Variants in TOP1 observed in about 807,000 individuals in gnomAD.
TOP1 encodes DNA topoisomerase I.
In TOP1, 10 loss-of-function variants were observed where a neutral mutation model predicts 111.1. The ratio of observed to expected loss-of-function variants is 0.09; its 90% CI spans 0.06 to 0.15. TOP1 has a LOEUF of 0.15. TOP1 is among the 10% of genes least tolerant of loss of function. The pLI is 1.00. For missense variants in TOP1, 474 were observed against 926.7 expected, an observed-to-expected ratio of 0.51 and a Z score of 6.34; for synonymous variants, 271 against 302.9, an observed-to-expected ratio of 0.89 and a Z score of 1.10.
chr20:41,031,396 CCTTT>C (rs2033118000), intron 2 of TOP1, among the ~76,000 whole-genome samples: 1 of 152,104 alleles, frequency 6.6e-6, no homozygotes, highest in African/African-American at 2.4e-5. Flanking sequence ...AAAGTTTAGC[CCTTT>C]CTTGTGAGAA....
At position 41,069,232 on chromosome 20, in the gene TOP1, AT is replaced by A. The variant is rs2033643146; in HGVS notation, c.156-6937del. Among the ~76,000 whole-genome samples, 1 of 152,194 alleles carries A rather than the reference AT, an allele frequency of 6.6e-6. No homozygotes were observed. Among genetic ancestry groups the A allele is most frequent in the Non-Finnish European group, 1.5e-5 (1 of 68,036 alleles). The stretch of plus-strand genomic sequence containing the variant: ...TCAGATTAGGGGAGATTTTTCTGAA[AT>A]TAATAAAATTTAAAAGATATGTTTG... On this transcript the variant is annotated intron_variant, in intron 3 of 20. Coordinates refer to ENST00000361337, the MANE Select transcript of TOP1 (RefSeq NM_003286.4). The surrounding 1 kb of genome is among the most constrained non-coding windows in gnomAD (Gnocchi z 4.1).
At position 41,077,578 on chromosome 20, in the gene TOP1, T is replaced by G; in HGVS notation, c.280-4T>G. 6.2e-7 allele frequency: 1 copy of G among 1,613,992 alleles called. No homozygotes were observed. The highest frequency in any genetic ancestry group is 8.5e-7 in the Non-Finnish European group (1 of 1,179,810). On this transcript the variant is annotated splice_region_variant and splice_polypyrimidine_tract_variant and intron_variant, in intron 4 of 20. Coordinates refer to ENST00000361337, the MANE Select transcript of TOP1 (RefSeq NM_003286.4). ...GTACTAGTTACTGTTGTTTTACTTTTCAGGTTCGAGCCTCTGGGGATGCAA... is the reference window on the plus strand; with the variant it reads ...GTACTAGTTACTGTTGTTTTACTTTGCAGGTTCGAGCCTCTGGGGATGCAA...
rs769402606 is a variant in TOP1 at position 41,122,168 on chromosome 20, CCCT to C, written c.2195+17_2195+19del. The stretch of plus-strand genomic sequence containing the variant: ...TCACAGTGGCTTGGTAAGTGTTGAG[CCCT>C]CCTTGAGCTCCTGCTGCTAGCTTAA... On this transcript the variant is annotated intron_variant, in intron 20 of 20. Transcript: ENST00000361337. This position sits in a 1 kb window ranked among gnomAD's most constrained non-coding sequence, Gnocchi z 5.4. 5.6e-6 allele frequency: 9 copies of C among 1,613,456 alleles called. No homozygotes were observed. In the East Asian group the frequency reaches 1.8e-4, roughly 32 times the overall value.
chr20:41,089,303 G>T (rs985080477), intron 8 of TOP1, among the ~76,000 whole-genome samples: 1 of 152,134 alleles, frequency 6.6e-6, no homozygotes, highest in Admixed American at 6.5e-5. Flanking sequence ...TGGGATTACA[G>T]GCGTGAGCCA....
At position 41,100,314 on chromosome 20, in the gene TOP1, T is replaced by C; in HGVS notation, c.1163+71T>C. 5 of 1,342,194 alleles carry C rather than the reference T, an allele frequency of 3.7e-6. No individual in the cohort carries two copies. The highest frequency in any genetic ancestry group is 5.2e-6 in the Non-Finnish European group (5 of 964,534). 83.1% of individuals were successfully genotyped at this position (1,342,194 alleles called of 1,614,324 possible). On this transcript the variant is annotated intron_variant, in intron 12 of 20. Coordinates refer to ENST00000361337, the MANE Select transcript of TOP1 (RefSeq NM_003286.4). The surrounding 1 kb of genome is among the most constrained non-coding windows in gnomAD (Gnocchi z 4.4). ...GTCCTTTATTGTACTTGGGAATATT[T>C]CCCAGGTTACACAGGACTGTTTGGG...
chr20:41,044,625 A>T (rs2033310579), intron 2 of TOP1, among the ~76,000 whole-genome samples: 1 of 152,206 alleles, frequency 6.6e-6, no homozygotes, highest in Non-Finnish European at 1.5e-5. Context: ...TGTAGGGAAA[A>T]GTCCTTGACT....
Position 41,113,776 on chromosome 20 carries a change from C to T in TOP1, c.1453-194C>T, listed in dbSNP as rs1021735091. On this transcript the variant is annotated intron_variant, in intron 14 of 20. Coordinates refer to ENST00000361337, the MANE Select transcript of TOP1 (RefSeq NM_003286.4). ...CGGGCGCCTGTAGTCCCAGCTACTT[C>T]GGAGGCTGAGGCAGGAGAATGGCAT... 2.0e-5 allele frequency among the ~76,000 whole-genome samples: 3 copies of T among 148,466 alleles called. No homozygotes were observed. In the Admixed American group the frequency reaches 2.0e-4, roughly 10 times the overall value.
chr20:41,116,248 G>T lies in TOP1; in HGVS notation c.1708-30G>T. ...CAGAAGGAGCAGGTAGTATAGCTTT[G>T]ACCTAAATCTGTTGCTTTGTCTCCT... On this transcript the variant is annotated intron_variant, in intron 16 of 20. Coordinates refer to ENST00000361337, the MANE Select transcript of TOP1 (RefSeq NM_003286.4). The surrounding 1 kb of genome is among the most constrained non-coding windows in gnomAD (Gnocchi z 5.6). 6.7e-7 allele frequency: 1 copy of T among 1,500,084 alleles called. No individual in the cohort carries two copies. The highest frequency in any genetic ancestry group is 1.1e-5 in the South Asian group (1 of 88,416). The allele number at this position is 1,500,084 out of a possible 1,614,324, so 92.9% of individuals were successfully genotyped here. A position where few individuals can be genotyped will look rare whatever the true frequency, so the allele number is the denominator to read the frequency against.
At position 41,100,178 on chromosome 20, in the gene TOP1, C is replaced by T. The variant is rs2145951826; in HGVS notation, c.1098C>T (p.Asn366=). Residue 366 remains asparagine, a synonymous_variant, in exon 12 of 21, where the codon AAC becomes AAT. Transcript: ENST00000361337. This position sits in a 1 kb window ranked among gnomAD's most constrained non-coding sequence, Gnocchi z 4.4. ...CTGGACTTTTCCGTGGCCGCGGCAA[C>T]CACCCCAAGATGGGCATGCTGAAGA... ...EPPGLFRGRG[N]HPKMGMLKRR... 6.2e-7 allele frequency: 1 copy of T among 1,614,078 alleles called. No individual in the cohort carries two copies. Among genetic ancestry groups the T allele is most frequent in the Non-Finnish European group, 8.5e-7 (1 of 1,179,946 alleles).
In TOP1 at chr20:41,080,596, C is replaced by T. The variant is rs567710849; in HGVS notation, c.431+416C>T. On this transcript the variant is annotated intron_variant, in intron 6 of 20. Transcript: ENST00000361337. This position sits in a 1 kb window ranked among gnomAD's most constrained non-coding sequence, Gnocchi z 5.0. Reference sequence around the variant, plus strand: ...AAAAATAATAAAACTGCTCATAAAACGGTCGAGGCTTACATGTATCTCTTT... The same window carrying T: ...AAAAATAATAAAACTGCTCATAAAATGGTCGAGGCTTACATGTATCTCTTT... Among the ~76,000 whole-genome samples the T allele has an allele frequency of 9.2e-5, 14 of 152,110 alleles. No homozygotes were observed. Among genetic ancestry groups the T allele is most frequent in the African/African-American group, 2.7e-4 (11 of 41,436 alleles).
Position 41,028,847 on chromosome 20 carries a change from A to G in TOP1, c.-221A>G, listed in dbSNP as rs1018561129. 30 of 534,388 alleles carry G rather than the reference A, an allele frequency of 5.6e-5. No homozygotes were observed. Among genetic ancestry groups the G allele is most frequent in the African/African-American group, 8.1e-5 (4 of 49,302 alleles). 33.1% of individuals were successfully genotyped at this position (534,388 alleles called of 1,614,324 possible). A position where few individuals can be genotyped will look rare whatever the true frequency, so the allele number is the denominator to read the frequency against. On this transcript the variant is annotated 5_prime_UTR_variant, in exon 1 of 21. Transcript: ENST00000361337. ...CAAATGCGAACTTAGGCTGTTACAC[A>G]ACTGCTGGGGTCTGTTCTCGCCGCC...
At chr20:41,054,788 C>G (rs2033449473) in intron 2 of TOP1, among the ~76,000 whole-genome samples, 1 of 152,188 alleles carries the variant, frequency 6.6e-6, no homozygotes, top group South Asian at 2.1e-4. Flanking sequence ...TTGAATTAGT[C>G]TTCAGAATAT....
chr20:41,087,883 A>G (rs575260949), intron 8 of TOP1, among the ~76,000 whole-genome samples: 2 of 151,940 alleles, frequency 1.3e-5, no homozygotes, highest in South Asian at 2.1e-4. Flanking sequence ...ATTCAAGTCA[A>G]GCTGCCAAAG....
At chr20:41,055,427 A>G (rs1199868314) in intron 2 of TOP1, among the ~76,000 whole-genome samples, 1 of 152,228 alleles carries the variant, frequency 6.6e-6, no homozygotes, top group East Asian at 1.9e-4. Flanking sequence ...CTCCAAACAC[A>G]TGTTTTCACC....
Position 41,112,136 on chromosome 20 carries a change from C to T in TOP1, c.1309-646C>T, listed in dbSNP as rs2034252733. On this transcript the variant is annotated intron_variant, in intron 13 of 20. Coordinates refer to ENST00000361337, the MANE Select transcript of TOP1 (RefSeq NM_003286.4). This position sits in a 1 kb window ranked among gnomAD's most constrained non-coding sequence, Gnocchi z 5.8. ...GTTAGAAAATGGTGAATAATTATGG[C>T]TGTTCCTGGAAGTCATTGTGTCCTT... 6.6e-6 allele frequency among the ~76,000 whole-genome samples: 1 copy of T among 152,186 alleles called. No homozygotes were observed. Among genetic ancestry groups the T allele is most frequent in the Non-Finnish European group, 1.5e-5 (1 of 68,034 alleles).
Position 41,097,470 on chromosome 20 carries a change from T to G in TOP1, c.852+129T>G. The G allele has an allele frequency of 1.0e-6, 1 of 968,654 alleles. No individual in the cohort carries two copies. The highest frequency in any genetic ancestry group is 1.7e-5 in the South Asian group (1 of 57,204). 60.0% of individuals were successfully genotyped at this position (968,654 alleles called of 1,614,324 possible). A position where few individuals can be genotyped will look rare whatever the true frequency, so the allele number is the denominator to read the frequency against. On this transcript the variant is annotated intron_variant, in intron 10 of 20. Transcript: ENST00000361337. The surrounding 1 kb of genome is among the most constrained non-coding windows in gnomAD (Gnocchi z 4.2). ...TGTATGGATTTTGTTGTATTTAAAC[T>G]TGCGTATTTTTTGTCTTCATTTACT...
At chr20:41,086,292 A>C (rs1426326853) in intron 8 of TOP1, among the ~76,000 whole-genome samples, 8 of 151,746 alleles carry the variant, frequency 5.3e-5, no homozygotes, top group Non-Finnish European at 1.2e-4. Flanking sequence ...AAAACCCCAC[A>C]TGGGTTTATT....
chr20:41,080,406 G>A lies in TOP1; in HGVS notation c.431+226G>A, dbSNP rs533340676. Among the ~76,000 whole-genome samples, 1 of 152,146 alleles carries A rather than the reference G, an allele frequency of 6.6e-6. No individual in the cohort carries two copies. Among genetic ancestry groups the A allele is most frequent in the Non-Finnish European group, 1.5e-5 (1 of 67,974 alleles). On this transcript the variant is annotated intron_variant, in intron 6 of 20. Coordinates refer to ENST00000361337, the MANE Select transcript of TOP1 (RefSeq NM_003286.4). This position sits in a 1 kb window ranked among gnomAD's most constrained non-coding sequence, Gnocchi z 5.0. Reference sequence around the variant, plus strand: ...GAAGATTATATAAATTTTTATTACTGAAAAGGCAATAGATATTTATTGTAG... The same window carrying A: ...GAAGATTATATAAATTTTTATTACTAAAAAGGCAATAGATATTTATTGTAG...
At chr20:41,081,380 G>A in intron 7 of TOP1, 140 bp downstream of exon 7, 2 of 1,014,550 alleles carry the variant, frequency 2.0e-6, no homozygotes, top group Non-Finnish European at 2.7e-6. Flanking sequence ...ATAAGTGGTG[G>A]CTGTGGCACT....
Sources: gnomAD v4.1 joint callset for allele counts (sites outside exome capture counted in the v4.1 genomes callset) on GRCh38, gnomAD v4.1.1 for gene constraint, Gnocchi (gnomAD v3.1) non-coding constraint, MANE v1.5 for transcripts, NCBI Gene and HGNC (gene_info 2026-07-23, HGNC 2026-07-21) for gene names.